IL1RAPL1: variants seen among roughly 807,000 people sequenced by gnomAD.
IL1RAPL1 encodes interleukin-1 receptor accessory protein-like 1.
In IL1RAPL1, 3 loss-of-function variants were observed where a neutral mutation model predicts 48.4. The observed-to-expected ratio is 0.06, with a 90% CI of 0.03 to 0.16. The LOEUF is 0.16. IL1RAPL1 is among the 10% of genes least tolerant of loss of function. The pLI, the probability that IL1RAPL1 is intolerant of heterozygous loss-of-function variation, is 1.00. For missense variants in IL1RAPL1, 349 were observed against 530.6 expected, an observed-to-expected ratio of 0.66 and a Z score of 3.36; for synonymous variants, 185 against 187.7, an observed-to-expected ratio of 0.99 and a Z score of 0.12.
At chrX:28,738,703 T>C (rs1228503856) in intron 1 of IL1RAPL1, among the ~76,000 whole-genome samples, 1 of 109,034 alleles carries the variant, frequency 9.2e-6, no homozygotes, top group East Asian at 3.0e-4. Flanking sequence ...AAGAGGGAGG[T>C]TAGTGCAAGA....
intron 2 of IL1RAPL1, among the ~76,000 whole-genome samples, chrX:29,151,281 T>A (rs2147498689): frequency 8.9e-6 from 1 of 112,663 alleles, no homozygotes; most frequent in East Asian, 2.8e-4. Flanking sequence ...TCATCCTTAC[T>A]TGTCATCCCA....
intron 6 of IL1RAPL1, among the ~76,000 whole-genome samples, chrX:29,773,854 A>AAT (rs937970850): frequency 8.9e-6 from 1 of 111,922 alleles, no homozygotes; most frequent in Admixed American, 9.5e-5. Context: ...ATGTCAAATA[A>AAT]ATATATTTAC....
intron 9 of IL1RAPL1, among the ~76,000 whole-genome samples, chrX:29,947,772 G>T (rs1225065609): frequency 1.9e-5 from 2 of 104,448 alleles, no homozygotes; most frequent in East Asian, 2.9e-4. Flanking sequence ...TTTTTTGGTG[G>T]GGGGGTGGGT....
At chrX:29,092,582 T>C (rs896594684) in intron 2 of IL1RAPL1, among the ~76,000 whole-genome samples, 7 of 112,141 alleles carry the variant, frequency 6.2e-5, no homozygotes, top group Admixed American at 1.9e-4. Flanking sequence ...TATCTATAAA[T>C]AGTAAACAAC....
At chrX:29,917,420 G>A (rs375172685) in intron 6 of IL1RAPL1, 44 bp from the exon 7 acceptor site, 62 of 1,180,140 alleles carry the variant, frequency 5.3e-5, no homozygotes, top group Non-Finnish European at 6.3e-5. Context: ...AAATAAGTGT[G>A]AACAAATAGT....
intron 2 of IL1RAPL1, among the ~76,000 whole-genome samples, chrX:28,971,282 ATGTAT>A (rs1313172534): frequency 2.7e-5 from 3 of 112,234 alleles, no homozygotes; most frequent in African/African-American, 9.7e-5. Flanking sequence ...AATTGTCATA[ATGTAT>A]TAGTAATTGG....
intron 6 of IL1RAPL1, among the ~76,000 whole-genome samples, chrX:29,884,621 C>G (rs1170344035): frequency 9.0e-6 from 1 of 111,322 alleles, no homozygotes; most frequent in Non-Finnish European, 1.9e-5. Context: ...AATGTATATA[C>G]TCTGCCCTGA....
chrX:29,355,126 AC>A (rs1933284673), intron 3 of IL1RAPL1, among the ~76,000 whole-genome samples: 1 of 112,034 alleles, frequency 8.9e-6, no homozygotes, highest in East Asian at 2.8e-4. Context: ...AGAAAGAGAC[AC>A]CCTTACAAAT....
At chrX:28,670,447 A>C (rs185164504) in intron 1 of IL1RAPL1, among the ~76,000 whole-genome samples, 1 of 112,059 alleles carries the variant, frequency 8.9e-6, no homozygotes, top group African/African-American at 3.2e-5. Context: ...TTCTTTCTCT[A>C]GTCTGCACCT....
chrX:29,699,239 G>A (rs1028100183), intron 6 of IL1RAPL1, among the ~76,000 whole-genome samples: 36 of 112,096 alleles, frequency 3.2e-4, no homozygotes, highest in African/African-American at 1.1e-3. Context: ...TTGTTTTAAT[G>A]ATTTCTGAAC....
At chrX:29,858,799 G>A (rs1015761883) in intron 6 of IL1RAPL1, among the ~76,000 whole-genome samples, 15 of 110,220 alleles carry the variant, frequency 1.4e-4, no homozygotes, top group African/African-American at 5.0e-4. Context: ...TGTTCCCTAG[G>A]CTCTTTATTT....
At chrX:29,596,768 T>G in intron 5 of IL1RAPL1, among the ~76,000 whole-genome samples, 1 of 111,985 alleles carries the variant, frequency 8.9e-6, no homozygotes. Flanking sequence ...CAGTATTATG[T>G]TGAATAGAAG....
At chrX:29,736,675 G>A (rs1375843764) in intron 6 of IL1RAPL1, among the ~76,000 whole-genome samples, 5 of 111,078 alleles carry the variant, frequency 4.5e-5, no homozygotes, top group African/African-American at 1.6e-4. Context: ...ACAGTGAGCC[G>A]AGATCGTGCC....
At chrX:29,046,229 A>G (rs1926968353) in intron 2 of IL1RAPL1, among the ~76,000 whole-genome samples, 1 of 108,637 alleles carries the variant, frequency 9.2e-6, no homozygotes, top group African/African-American at 3.4e-5. Flanking sequence ...AAAAAAAAAA[A>G]TTCTTTTTAG....
intron 3 of IL1RAPL1, among the ~76,000 whole-genome samples, chrX:29,357,445 A>G (rs1044320902): frequency 2.7e-5 from 3 of 112,319 alleles, no homozygotes; most frequent in African/African-American, 6.5e-5. Flanking sequence ...TTGATTTTGC[A>G]TTTATTTGAA....
At chrX:28,703,966 T>G in intron 1 of IL1RAPL1, among the ~76,000 whole-genome samples, 1 of 111,894 alleles carries the variant, frequency 8.9e-6, no homozygotes, top group East Asian at 2.8e-4. Flanking sequence ...GACCTTAGGC[T>G]ATGAGTGGTA....
At chrX:29,374,959 C>T (rs751147169) in intron 3 of IL1RAPL1, among the ~76,000 whole-genome samples, 1 of 108,758 alleles carries the variant, frequency 9.2e-6, no homozygotes, top group African/African-American at 3.4e-5. Context: ...ATACTGACTC[C>T]ACCCTCTGGC....
chrX:29,312,003 C>T (rs890004572), intron 3 of IL1RAPL1, among the ~76,000 whole-genome samples: 13 of 111,717 alleles, frequency 1.2e-4, no homozygotes, highest in African/African-American at 4.2e-4. Flanking sequence ...GCAGATTAAT[C>T]AAGAGATAAT....
intron 2 of IL1RAPL1, among the ~76,000 whole-genome samples, chrX:28,970,395 A>G (rs1264328516): frequency 3.5e-5 from 4 of 112,712 alleles, no homozygotes; most frequent in African/African-American, 6.4e-5. Flanking sequence ...CAAAATGGGT[A>G]CACAAAGAAC....
Sources: allele counts gnomAD v4.1 joint callset (sites outside exome capture counted in the v4.1 genomes callset), GRCh38; gene constraint gnomAD v4.1.1; transcripts MANE v1.5; gene names NCBI Gene and HGNC (gene_info 2026-07-23, HGNC 2026-07-21).